SH3GL2: variants seen among roughly 807,000 people sequenced by gnomAD.
The protein encoded by SH3GL2 is endophilin-A1.
A neutral mutation model predicts 46.0 loss-of-function variants in SH3GL2; 24 were observed. That is an observed-to-expected ratio of 0.52 (90% CI 0.38 to 0.73). The LOEUF is 0.73. Among genes scored for constraint, SH3GL2 ranks in the 30% least tolerant of loss-of-function variants. SH3GL2 has a pLI of 0.00. For missense variants in SH3GL2, 413 were observed against 424.2 expected, an observed-to-expected ratio of 0.97 and a Z score of 0.23; for synonymous variants, 196 against 147.1, an observed-to-expected ratio of 1.33 and a Z score of -2.40.
chr9:17,785,261 C>T (rs1303378814), intron 3 of SH3GL2, among the ~76,000 whole-genome samples: 1 of 152,154 alleles, frequency 6.6e-6, no homozygotes, highest in Non-Finnish European at 1.5e-5. Flanking sequence ...AGGCACTTGG[C>T]ATATTTACTT....
chr9:17,748,171 C>T (rs1342406932), intron 2 of SH3GL2, among the ~76,000 whole-genome samples: 1 of 149,584 alleles, frequency 6.7e-6, no homozygotes. Flanking sequence ...TTTTACTTTT[C>T]TTTTACTTTA....
At chr9:17,738,647 GAGAGAGAGAGAGAGAGAGAGAGAGAGAT>G (rs1822430930) in intron 1 of SH3GL2, among the ~76,000 whole-genome samples, 2 of 47,398 alleles carry the variant, frequency 4.2e-5, no homozygotes, top group Non-Finnish European at 4.4e-5. Flanking sequence ...TATATAGAGA[GAGAGAGAGAGAGAGAGAGAGAGAGAGAT>G]AATTTTATTT....
chr9:17,621,708 GT>G (rs1588179988), intron 1 of SH3GL2, among the ~76,000 whole-genome samples: 2 of 152,174 alleles, frequency 1.3e-5, no homozygotes, highest in African/African-American at 4.8e-5. Context: ...TAAAAGATGC[GT>G]GTTCTTCAGT....
At chr9:17,696,865 C>T (rs1354775575) in intron 1 of SH3GL2, among the ~76,000 whole-genome samples, 1 of 152,184 alleles carries the variant, frequency 6.6e-6, no homozygotes, top group Non-Finnish European at 1.5e-5. Context: ...AAATTGCTCT[C>T]CACATGCATA....
Position 17,735,767 on chromosome 9 carries a change from C to G in SH3GL2, c.46-11299C>G, listed in dbSNP as rs890105445. ...GGGAAGATAAAGCTGGCAGCTCTTT[C>G]CACACATGGAAAGCATAATAGGAAA... On this transcript the variant is annotated intron_variant, in intron 1 of 8. Coordinates refer to ENST00000380607, the MANE Select transcript of SH3GL2 (RefSeq NM_003026.5). 3 of 979,842 alleles carry G rather than the reference C, an allele frequency of 3.1e-6. No individual in the cohort carries two copies. The African/African-American group carries it at 5.3e-5, about 17-fold the overall frequency. The allele number at this position is 979,842 out of a possible 1,614,324, so 60.7% of individuals were successfully genotyped here.
At chr9:17,683,987 C>T (rs780837450) in intron 1 of SH3GL2, among the ~76,000 whole-genome samples, 1 of 152,106 alleles carries the variant, frequency 6.6e-6, no homozygotes, top group African/African-American at 2.4e-5. Context: ...GGCACAAATA[C>T]TACATACCTC....
Position 17,733,719 on chromosome 9 carries a change from C to G in SH3GL2, c.46-13347C>G, listed in dbSNP as rs551069058. On this transcript the variant is annotated intron_variant, in intron 1 of 8. Coordinates refer to ENST00000380607, the MANE Select transcript of SH3GL2 (RefSeq NM_003026.5). ...ACAATAGCAAAGACTTGGAACCAAT[C>G]CAAATGTCCAACAATGATAGACTGG... Among the ~76,000 whole-genome samples, 101 of 152,174 alleles carry G rather than the reference C, an allele frequency of 6.6e-4. 3 individuals carry two copies. In the South Asian group the frequency reaches 0.017, roughly 25 times the overall value.
rs529673110 is a variant in SH3GL2, at chr9:17,709,234, A to G, written c.46-37832A>G. ...CCTGAAAAAAGCTTGGTTTATTTGT[A>G]TACTACTTGTAAGATAAGTCAGTCC... is the stretch of plus-strand genomic sequence containing the variant. On this transcript the variant is annotated intron_variant, in intron 1 of 8. Coordinates refer to ENST00000380607, the MANE Select transcript of SH3GL2 (RefSeq NM_003026.5). Among the ~76,000 whole-genome samples, 11 of 152,142 alleles carry G rather than the reference A, an allele frequency of 7.2e-5. No individual in the cohort carries two copies. In the East Asian group the frequency reaches 1.9e-3, roughly 27 times the overall value.
chr9:17,664,189 A>G (rs77920827), intron 1 of SH3GL2, among the ~76,000 whole-genome samples: 173 of 152,352 alleles, frequency 1.1e-3, no homozygotes, highest in Non-Finnish European at 2.2e-3. Flanking sequence ...GAGGCTAAAA[A>G]TCTCGAACTA....
chr9:17,738,589 G>A (rs1256805863), intron 1 of SH3GL2, among the ~76,000 whole-genome samples: 1 of 93,702 alleles, frequency 1.1e-5, no homozygotes, highest in African/African-American at 3.4e-5. Context: ...GAGAGAGAGA[G>A]AGAGAATTTT....
intron 1 of SH3GL2, among the ~76,000 whole-genome samples, chr9:17,648,183 A>G (rs944856868): frequency 1.2e-4 from 18 of 152,188 alleles, no homozygotes; most frequent in Non-Finnish European, 2.5e-4. Flanking sequence ...GTCAAAAGTT[A>G]TGTGTGGATT....
intron 1 of SH3GL2, among the ~76,000 whole-genome samples, chr9:17,722,038 C>A (rs1217171677): frequency 1.3e-5 from 2 of 152,058 alleles, no homozygotes; most frequent in African/African-American, 4.8e-5. Context: ...AGGATTCACT[C>A]TCTCTACGTT....
intron 1 of SH3GL2, among the ~76,000 whole-genome samples, chr9:17,652,704 A>G (rs867626834): frequency 2.6e-5 from 4 of 152,188 alleles, no homozygotes; most frequent in Middle Eastern, 3.2e-3. Flanking sequence ...GGAAATGCTC[A>G]TTGGAGCATT....
intron 1 of SH3GL2, among the ~76,000 whole-genome samples, chr9:17,727,223 T>C (rs746085980): frequency 6.6e-6 from 1 of 152,212 alleles, no homozygotes; most frequent in Non-Finnish European, 1.5e-5. Context: ...TGCGGTATAG[T>C]ATTTTATACT....
At chr9:17,789,760 T>A in intron 6 of SH3GL2, 2 of 984,204 alleles carry the variant, frequency 2.0e-6, no homozygotes, top group Non-Finnish European at 2.4e-6. Flanking sequence ...TTAACTAGAT[T>A]CTCGACTGCT....
At chr9:17,600,410 A>G (rs183106471) in intron 1 of SH3GL2, among the ~76,000 whole-genome samples, 4 of 152,358 alleles carry the variant, frequency 2.6e-5, no homozygotes, top group Admixed American at 2.6e-4. Flanking sequence ...CCACCTCCAC[A>G]CAAGCCTTTC....
At chr9:17,717,550 TGTGA>T (rs1821792936) in intron 1 of SH3GL2, among the ~76,000 whole-genome samples, 2 of 152,116 alleles carry the variant, frequency 1.3e-5, no homozygotes, top group South Asian at 4.1e-4. Flanking sequence ...TTCCTGTATC[TGTGA>T]GTGCCTCCTT....
Position 17,795,975 on chromosome 9 carries a change from C to T in SH3GL2, c.*232C>T, listed in dbSNP as rs1373404265. On this transcript the variant is annotated 3_prime_UTR_variant, in exon 9 of 9. Transcript: ENST00000380607. ...TGCTTTTTAAAACATCATCTGAGAC[C>T]AGCCAGTAGTCACAGAACTGCTGTT... 3.8e-6 allele frequency: 2 copies of T among 532,570 alleles called. No individual in the cohort carries two copies. The highest frequency in any genetic ancestry group is 6.7e-6 in the Non-Finnish European group (2 of 297,208). The allele number at this position is 532,570 out of a possible 1,614,324, so 33.0% of individuals were successfully genotyped here.
intron 1 of SH3GL2, among the ~76,000 whole-genome samples, chr9:17,592,118 T>TGAGGCCCCGGGGAGCTGCTGGTG (rs1397485924): frequency 1.3e-5 from 2 of 152,192 alleles, no homozygotes; most frequent in East Asian, 3.9e-4. Flanking sequence ...TCCAAAGGCC[T>TGAGGCCCCGGGGAGCTGCTGGTG]GAGGCCCCGG....
Sources: gnomAD v4.1 joint callset for allele counts (sites outside exome capture counted in the v4.1 genomes callset) on GRCh38, gnomAD v4.1.1 for gene constraint, MANE v1.5 for transcripts, NCBI Gene and HGNC (gene_info 2026-07-23, HGNC 2026-07-21) for gene names.